The following CNTNAP2 variants were observed in gnomAD, a reference collection of about 807,000 sequenced individuals.
The protein encoded by CNTNAP2 is contactin associated protein 2, also known as contactin-associated protein-like 2.
CNTNAP2 carries 98 observed loss-of-function variants against 155.2 expected under a neutral mutation model. The observed-to-expected ratio is 0.63, with a 90% confidence interval of 0.54 to 0.75. The LOEUF (loss-of-function observed/expected upper bound fraction) is 0.75. Among genes scored for constraint, CNTNAP2 ranks in the 30% least tolerant of loss-of-function variants. The pLI is 0.00. For synonymous variants in CNTNAP2, 651 were observed against 631.2 expected (o/e 1.03, Z -0.47); for missense variants, 1,727 against 1,688.1 (o/e 1.02, Z -0.40).
chr7:147,029,642 T>C (rs538620390), intron 3 of CNTNAP2, among the ~76,000 whole-genome samples: 16 of 152,164 alleles, frequency 1.1e-4, no homozygotes, highest in African/African-American at 3.9e-4. Flanking sequence ...TTTTAGCTCT[T>C]CTATATTTTG....
chr7:147,782,021 TAAAAAAA>T (rs11390927), intron 13 of CNTNAP2, among the ~76,000 whole-genome samples: 1 of 137,812 alleles, frequency 7.3e-6, no homozygotes, highest in East Asian at 2.1e-4. Flanking sequence ...AGATTCCGTT[TAAAAAAA>T]AAAAAAAAAA....
At chr7:146,951,007 C>G (rs1307717896) in intron 3 of CNTNAP2, among the ~76,000 whole-genome samples, 1 of 152,042 alleles carries the variant, frequency 6.6e-6, no homozygotes, top group Non-Finnish European at 1.5e-5. Context: ...GAGATGGTAT[C>G]TCATCGTGGT....
intron 1 of CNTNAP2, among the ~76,000 whole-genome samples, chr7:146,327,298 CTG>C: frequency 6.6e-6 from 1 of 152,236 alleles, no homozygotes; most frequent in Non-Finnish European, 1.5e-5. Context: ...TGCTATATAA[CTG>C]TTTGTATACA....
chr7:146,727,670 C>T (rs1451221965), intron 1 of CNTNAP2, among the ~76,000 whole-genome samples: 1 of 152,138 alleles, frequency 6.6e-6, no homozygotes, highest in African/African-American at 2.4e-5. Flanking sequence ...GTTTTTCAGG[C>T]CGTTTTGGTA....
chr7:146,646,312 G>T (rs1219863773), intron 1 of CNTNAP2, among the ~76,000 whole-genome samples: 1 of 152,062 alleles, frequency 6.6e-6, no homozygotes, highest in Non-Finnish European at 1.5e-5. Context: ...ATATGTGAAT[G>T]CTCACTAGTT....
intron 2 of CNTNAP2, among the ~76,000 whole-genome samples, chr7:146,785,678 A>G (rs1271192455): frequency 6.6e-6 from 1 of 152,172 alleles, no homozygotes; most frequent in Non-Finnish European, 1.5e-5. Flanking sequence ...ACAACAACCA[A>G]CGCAATTATC....
intron 1 of CNTNAP2, among the ~76,000 whole-genome samples, chr7:146,301,989 C>G (rs1182680997): frequency 1.4e-4 from 21 of 152,120 alleles, no homozygotes; most frequent in Admixed American, 1.4e-3. Flanking sequence ...AGGTACAACT[C>G]TTCTTCCACT....
intron 9 of CNTNAP2, among the ~76,000 whole-genome samples, chr7:147,390,173 C>T (rs962938918): frequency 6.6e-6 from 1 of 152,310 alleles, no homozygotes; most frequent in Non-Finnish European, 1.5e-5. Context: ...AGAGATCCAA[C>T]ATCTTTAGCT....
intron 9 of CNTNAP2, among the ~76,000 whole-genome samples, chr7:147,332,165 G>A (rs1584879490): frequency 6.6e-6 from 1 of 152,146 alleles, no homozygotes; most frequent in Admixed American, 6.6e-5. Context: ...CATTAATGAA[G>A]AAGGGCCAAG....
At chr7:146,434,232 T>A (rs143524523) in intron 1 of CNTNAP2, among the ~76,000 whole-genome samples, 123 of 152,248 alleles carry the variant, frequency 8.1e-4, no homozygotes, top group Middle Eastern at 3.4e-3. Context: ...TGAGGTTACA[T>A]TTGGGTTGGT....
At chr7:146,329,876 G>A (rs1205198948) in intron 1 of CNTNAP2, among the ~76,000 whole-genome samples, 1 of 151,884 alleles carries the variant, frequency 6.6e-6, no homozygotes, top group Non-Finnish European at 1.5e-5. Flanking sequence ...ACTACCTACT[G>A]CATCAAAGTG....
chr7:147,322,911 C>T lies in CNTNAP2; in HGVS notation c.1498+22621C>T, dbSNP rs1252295900. ...ACGGTAGTTTGTATTTCTGTGGGAT[C>T]GGTGGTGATATCCCCTTTATCATTT... is the stretch of plus-strand genomic sequence containing the variant. On this transcript the variant is annotated intron_variant, in intron 9 of 23. Transcript: ENST00000361727. 3.4e-4 allele frequency among the ~76,000 whole-genome samples: 40 copies of T among 117,780 alleles called. 1 individual carries two copies. Among genetic ancestry groups the T allele is most frequent in the African/African-American group, 1.3e-3 (35 of 27,834 alleles). 77.3% of individuals were successfully genotyped at this position (117,780 alleles called of 152,430 possible). A position where few individuals can be genotyped will look rare whatever the true frequency, so the allele number is the denominator to read the frequency against.
At chr7:146,446,867 T>C (rs919937255) in intron 1 of CNTNAP2, among the ~76,000 whole-genome samples, 9 of 152,082 alleles carry the variant, frequency 5.9e-5, no homozygotes, top group Non-Finnish European at 1.2e-4. Flanking sequence ...AGACTGACTA[T>C]GGAAGTGGAC....
chr7:148,132,134 A>T (rs1156243886), intron 16 of CNTNAP2, among the ~76,000 whole-genome samples: 1 of 152,214 alleles, frequency 6.6e-6, no homozygotes, highest in African/African-American at 2.4e-5. Flanking sequence ...AACATGTTTT[A>T]AAGCAACAAG....
At chr7:146,601,592 T>A (rs528391106) in intron 1 of CNTNAP2, among the ~76,000 whole-genome samples, 1 of 152,206 alleles carries the variant, frequency 6.6e-6, no homozygotes, top group African/African-American at 2.4e-5. Context: ...CAACAGTGTG[T>A]TTGAACAAAA....
At chr7:146,872,800 A>G (rs1470542326) in intron 3 of CNTNAP2, among the ~76,000 whole-genome samples, 1 of 152,184 alleles carries the variant, frequency 6.6e-6, no homozygotes, top group Non-Finnish European at 1.5e-5. Flanking sequence ...TTGTCTTCAG[A>G]ATATTGTATT....
At chr7:146,206,700 A>G (rs1317056235) in intron 1 of CNTNAP2, among the ~76,000 whole-genome samples, 1 of 151,968 alleles carries the variant, frequency 6.6e-6, no homozygotes, top group African/African-American at 2.4e-5. Flanking sequence ...GCATAAAAAC[A>G]TGAAATACAC....
intron 21 of CNTNAP2, among the ~76,000 whole-genome samples, chr7:148,368,188 G>A (rs1798820574): frequency 2.6e-5 from 4 of 152,166 alleles, no homozygotes; most frequent in Admixed American, 2.0e-4. Flanking sequence ...GAATAGCTCT[G>A]ACAGTGCCAC....
chr7:148,221,635 G>A (rs763176036), intron 19 of CNTNAP2, among the ~76,000 whole-genome samples: 2 of 152,156 alleles, frequency 1.3e-5, no homozygotes, highest in African/African-American at 4.8e-5. Context: ...TAAGGTCTAC[G>A]CCAAAGTATC....
Sources: allele counts gnomAD v4.1 joint callset (sites outside exome capture counted in the v4.1 genomes callset), GRCh38; gene constraint gnomAD v4.1.1; transcripts MANE v1.5; gene names NCBI Gene and HGNC (gene_info 2026-07-23, HGNC 2026-07-21).